The following SLC44A5 variants were observed in gnomAD, a reference collection of about 807,000 sequenced individuals.
The protein encoded by SLC44A5 is solute carrier family 44 member 5, also known as choline transporter-like protein 5.
Under a neutral mutation model 101.8 loss-of-function variants are expected in SLC44A5, and 57 were observed. The ratio of observed to expected loss-of-function variants is 0.56; its 90% confidence interval spans 0.45 to 0.70. The LOEUF (loss-of-function observed/expected upper bound fraction) is 0.70. SLC44A5 is among the 30% of genes least tolerant of loss of function. SLC44A5 has a pLI of 0.00. For missense variants in SLC44A5, 737 were observed against 853.1 expected (o/e 0.86, Z 1.70); for synonymous variants, 281 against 290.9 (o/e 0.97, Z 0.35).
chr1:75,384,152 C>T (rs1354819041), intron 3 of SLC44A5, among the ~76,000 whole-genome samples: 5 of 151,988 alleles, frequency 3.3e-5, no homozygotes, highest in South Asian at 2.1e-4. Context: ...CATGAACTAA[C>T]GAGCAAAATA....
chr1:75,346,631 A>C (rs368799956), intron 3 of SLC44A5, among the ~76,000 whole-genome samples: 31 of 152,286 alleles, frequency 2.0e-4, no homozygotes, highest in African/African-American at 7.0e-4. Flanking sequence ...AGAATAAATA[A>C]ATTCTGAATC....
chr1:75,559,928 T>C (rs1308332925), intron 1 of SLC44A5, among the ~76,000 whole-genome samples: 1 of 152,154 alleles, frequency 6.6e-6, no homozygotes, highest in Non-Finnish European at 1.5e-5. Flanking sequence ...CAATAGCACA[T>C]GCATAGATGT....
chr1:75,698,785 A>C, the SLC44A5 span, among the ~76,000 whole-genome samples: 5 of 152,174 alleles, frequency 3.3e-5, no homozygotes, highest in East Asian at 7.7e-4. Context: ...TAACTAGAAT[A>C]ATCAATATAG....
Position 75,215,825 on chromosome 1 carries a change from A to ACTG in SLC44A5, c.1656_1657insCAG (p.Gln552dup). The ACTG allele has an allele frequency of 6.2e-7, 1 of 1,608,248 alleles. No individual in the cohort carries two copies. The highest frequency in any genetic ancestry group is 8.5e-7 in the Non-Finnish European group (1 of 1,175,114). On this transcript the variant is annotated inframe_insertion, in exon 19 of 24. Coordinates refer to ENST00000370859, the MANE Select transcript of SLC44A5 (RefSeq NM_001130058.2). ...CACCAGAAGCAGCATCTCAGGCAGCATTGTAGGAATTTAGACAATGTGTTC... is the reference window on the plus strand; with the variant it reads ...CACCAGAAGCAGCATCTCAGGCAGCACTGTTGTAGGAATTTAGACAATGTGTTC...
the SLC44A5 span, among the ~76,000 whole-genome samples, chr1:75,702,840 G>T: frequency 6.6e-6 from 1 of 152,108 alleles, no homozygotes; most frequent in African/African-American, 2.4e-5. Context: ...CCATCAAAAA[G>T]TGGGCAAAGG....
chr1:75,409,741 G>T (rs1341653683), intron 2 of SLC44A5, among the ~76,000 whole-genome samples: 1 of 151,994 alleles, frequency 6.6e-6, no homozygotes, highest in Non-Finnish European at 1.5e-5. Flanking sequence ...ATACCCAATG[G>T]TATCACTTCC....
chr1:75,617,580 T>C, the SLC44A5 span, among the ~76,000 whole-genome samples: 2 of 152,218 alleles, frequency 1.3e-5, no homozygotes, highest in Admixed American at 6.5e-5. Context: ...TATAATGTAA[T>C]ATATTGAAGT....
At chr1:75,684,097 G>A in the SLC44A5 span, among the ~76,000 whole-genome samples, 2 of 152,226 alleles carry the variant, frequency 1.3e-5, no homozygotes, top group South Asian at 4.1e-4. Context: ...CTTACATGGT[G>A]GCAAGCAAGA....
At chr1:75,558,111 C>A (rs1488072197) in intron 1 of SLC44A5, among the ~76,000 whole-genome samples, 2 of 152,016 alleles carry the variant, frequency 1.3e-5, no homozygotes, top group Non-Finnish European at 2.9e-5. Flanking sequence ...ATGTAATTGG[C>A]ACAACAAATG....
the SLC44A5 span, among the ~76,000 whole-genome samples, chr1:75,694,724 A>G: frequency 1.3e-5 from 2 of 152,168 alleles, no homozygotes; most frequent in Non-Finnish European, 2.9e-5. Flanking sequence ...AATTGATAGA[A>G]ATTGCACTGT....
At chr1:75,287,507 G>A (rs1462800211) in intron 5 of SLC44A5, among the ~76,000 whole-genome samples, 1 of 144,094 alleles carries the variant, frequency 6.9e-6, no homozygotes, top group Non-Finnish European at 1.5e-5. Context: ...ATCTTTTGGG[G>A]GTACTAAAAA....
At chr1:75,535,748 G>A (rs1557883260) in intron 2 of SLC44A5, among the ~76,000 whole-genome samples, 1 of 152,150 alleles carries the variant, frequency 6.6e-6, no homozygotes, top group Non-Finnish European at 1.5e-5. Context: ...ATCAGAGATG[G>A]CTTCCCCTGT....
At chr1:75,449,462 C>T (rs1420283874) in intron 2 of SLC44A5, among the ~76,000 whole-genome samples, 2 of 152,288 alleles carry the variant, frequency 1.3e-5, no homozygotes, top group South Asian at 4.1e-4. Context: ...AGATAGTTAG[C>T]CTATGTGGCT....
chr1:75,671,645 G>A, the SLC44A5 span, among the ~76,000 whole-genome samples: 3 of 152,076 alleles, frequency 2.0e-5, no homozygotes, highest in African/African-American at 4.8e-5. Flanking sequence ...TGGATCACTC[G>A]CTTTAAAAAT....
At chr1:75,653,911 A>G in the SLC44A5 span, among the ~76,000 whole-genome samples, 1 of 152,138 alleles carries the variant, frequency 6.6e-6, no homozygotes, top group African/African-American at 2.4e-5. Flanking sequence ...GGTGAAGATG[A>G]TTTTACCTGA....
At chr1:75,636,796 A>T in the SLC44A5 span, among the ~76,000 whole-genome samples, 1,019 of 152,232 alleles carry the variant, frequency 6.7e-3, 16 homozygotes, top group Admixed American at 0.037. Flanking sequence ...CTGCAGTAAT[A>T]AAGAATACTT....
At chr1:75,299,672 C>T (rs1163930626) in intron 5 of SLC44A5, among the ~76,000 whole-genome samples, 1 of 151,956 alleles carries the variant, frequency 6.6e-6, no homozygotes, top group African/African-American at 2.4e-5. Context: ...GTGAAACCTT[C>T]TTACAGAAAA....
chr1:75,250,464 C>A (rs1400977699), intron 7 of SLC44A5, among the ~76,000 whole-genome samples: 1 of 152,116 alleles, frequency 6.6e-6, no homozygotes, highest in Non-Finnish European at 1.5e-5. Context: ...AGTGAACATA[C>A]ATGTGCATGC....
chr1:75,459,464 T>C (rs1666374757), intron 2 of SLC44A5, among the ~76,000 whole-genome samples: 1 of 152,192 alleles, frequency 6.6e-6, no homozygotes, highest in East Asian at 1.9e-4. Context: ...TATGATCCTT[T>C]GTAGAGGATC....
Sources: allele counts gnomAD v4.1 joint callset (sites outside exome capture counted in the v4.1 genomes callset), GRCh38; gene constraint gnomAD v4.1.1; transcripts MANE v1.5; gene names NCBI Gene and HGNC (gene_info 2026-07-23, HGNC 2026-07-21).